The following RWDD3 variants were observed in gnomAD, a reference collection of about 807,000 sequenced individuals.
RWDD3 encodes RWD domain containing 3, also known as RWD domain-containing protein 3.
Under a neutral mutation model 26.5 loss-of-function variants are expected in RWDD3, and 30 were observed. That is an observed-to-expected ratio of 1.13 (90% CI 0.85 to 1.54). The LOEUF is 1.54. RWDD3 is among the 40% of genes most tolerant of loss of function. The pLI, the probability that RWDD3 is intolerant of heterozygous loss-of-function variation, is 0.00. For synonymous variants in RWDD3, 113 were observed against 114.5 expected (o/e 0.99, Z 0.09); for missense variants, 296 against 309.1 (o/e 0.96, Z 0.32).
chr1:95,242,176 C>T (rs1399507192), intron 1 of RWDD3, among the ~76,000 whole-genome samples: 1 of 152,310 alleles, frequency 6.6e-6, no homozygotes, highest in Non-Finnish European at 1.5e-5. Flanking sequence ...GAATTATCTA[C>T]CAACACAGAC....
chr1:95,246,080 T>G (rs2101126680), intron 2 of RWDD3: 1 of 152,820 alleles, frequency 6.5e-6, no homozygotes, highest in Non-Finnish European at 1.5e-5. Flanking sequence ...GTGTGCCTGG[T>G]AATGTCATTT....
chr1:95,243,861 G>A (rs922220514), intron 1 of RWDD3, among the ~76,000 whole-genome samples: 2 of 152,122 alleles, frequency 1.3e-5, no homozygotes, highest in Non-Finnish European at 2.9e-5. Context: ...ATCTTTGAAA[G>A]CTCATATGAG....
chr1:95,238,523 A>G (rs939499793), intron 1 of RWDD3, among the ~76,000 whole-genome samples: 2 of 151,600 alleles, frequency 1.3e-5, no homozygotes, highest in Non-Finnish European at 1.5e-5. Flanking sequence ...TGGGAGCAAG[A>G]GGAGACAGTC....
intron 1 of RWDD3, among the ~76,000 whole-genome samples, chr1:95,240,829 T>A (rs1010309012): frequency 6.6e-6 from 1 of 151,420 alleles, no homozygotes; most frequent in African/African-American, 2.4e-5. Context: ...AGTTGAATGC[T>A]AAGTATGAAA....
At chr1:95,237,122 A>G (rs192379330) in intron 1 of RWDD3, among the ~76,000 whole-genome samples, 42 of 151,894 alleles carry the variant, frequency 2.8e-4, no homozygotes, top group African/African-American at 1.0e-3. Flanking sequence ...GGGATGTTTG[A>G]TGTTCACAAG....
chr1:95,240,656 A>T (rs1027155091), intron 1 of RWDD3, among the ~76,000 whole-genome samples: 5 of 152,092 alleles, frequency 3.3e-5, no homozygotes, highest in Non-Finnish European at 7.4e-5. Context: ...TAGGCGTTGC[A>T]TGGAGGAATT....
intron 1 of RWDD3, among the ~76,000 whole-genome samples, chr1:95,235,676 A>C (rs1017984303): frequency 6.6e-6 from 1 of 150,788 alleles, no homozygotes; most frequent in Non-Finnish European, 1.5e-5. Context: ...ACTTTTTTTT[A>C]AACAAGCTCT....
At chr1:95,236,570 T>C (rs1680369843) in intron 1 of RWDD3, among the ~76,000 whole-genome samples, 1 of 152,216 alleles carries the variant, frequency 6.6e-6, no homozygotes, top group East Asian at 1.9e-4. Context: ...CCAGCCTGAC[T>C]TGTATCTTTT....
chr1:95,243,457 G>A (rs572069350), intron 1 of RWDD3: 2 of 152,346 alleles, frequency 1.3e-5, no homozygotes, highest in African/African-American at 4.8e-5. Flanking sequence ...TCAGCCTGAC[G>A]TTTTATCATC....
chr1:95,242,786 G>A (rs1413905981), intron 1 of RWDD3, among the ~76,000 whole-genome samples: 1 of 152,010 alleles, frequency 6.6e-6, no homozygotes, highest in African/African-American at 2.4e-5. Context: ...GGGCATGGTG[G>A]CATATGACTG....
intron 1 of RWDD3, among the ~76,000 whole-genome samples, chr1:95,239,252 A>G (rs1384975703): frequency 6.6e-6 from 1 of 152,188 alleles, no homozygotes; most frequent in Non-Finnish European, 1.5e-5. Flanking sequence ...TTTTCTGCTA[A>G]TCACTGTTTC....
chr1:95,245,494 A>G (rs913571829), intron 2 of RWDD3, among the ~76,000 whole-genome samples: 4 of 152,226 alleles, frequency 2.6e-5, no homozygotes, highest in Non-Finnish European at 5.9e-5. Flanking sequence ...CAGTGAATTT[A>G]TTTAAGACAA....
At position 95,234,317 on chromosome 1, in the gene RWDD3, T is replaced by TA. The variant is rs1680184503; in HGVS notation, c.85+2_85+3insA. 1 of 1,589,332 alleles carries TA rather than the reference T, an allele frequency of 6.3e-7. No individual in the cohort carries two copies. Among genetic ancestry groups the TA allele is most frequent in the Non-Finnish European group, 8.6e-7 (1 of 1,167,988 alleles). On this transcript the variant is annotated splice_region_variant and intron_variant, in intron 1 of 3. Coordinates refer to ENST00000370202, the MANE Select transcript of RWDD3 (RefSeq NM_015485.5). Reference sequence around the variant, plus strand: ...AGTGGGAGGTGCTGAGCCGCTCAGGTGACTACCCGCGCGCGGGAGGGACAG... The same window carrying TA: ...AGTGGGAGGTGCTGAGCCGCTCAGGTAGACTACCCGCGCGCGGGAGGGACAG...
intron 1 of RWDD3, among the ~76,000 whole-genome samples, chr1:95,241,958 CCA>C (rs138931011): frequency 0.019 from 2,952 of 152,222 alleles, 39 homozygotes; most frequent in South Asian, 0.049. Flanking sequence ...GTAAACTCTC[CCA>C]CATTCCCTTG....
chr1:95,242,132 C>G (rs1214349203), intron 1 of RWDD3, among the ~76,000 whole-genome samples: 1 of 152,198 alleles, frequency 6.6e-6, no homozygotes, highest in Admixed American at 6.5e-5. Flanking sequence ...TTTTTCCCAC[C>G]ACCCTGACTG....
At chr1:95,242,092 A>G (rs1462454588) in intron 1 of RWDD3, among the ~76,000 whole-genome samples, 1 of 152,164 alleles carries the variant, frequency 6.6e-6, no homozygotes, top group Non-Finnish European at 1.5e-5. Context: ...ACTATTTCCT[A>G]TAACTATCTT....
chr1:95,237,369 A>G (rs1680405044), intron 1 of RWDD3: 1 of 152,292 alleles, frequency 6.6e-6, no homozygotes, highest in South Asian at 2.1e-4. Context: ...TGCCACTGGA[A>G]TCAGGAGAAT....
chr1:95,240,134 A>G (rs961144407), intron 1 of RWDD3, among the ~76,000 whole-genome samples: 1 of 152,078 alleles, frequency 6.6e-6, no homozygotes. Context: ...CGTTAACTTA[A>G]TCATGTCTGC....
intron 1 of RWDD3, among the ~76,000 whole-genome samples, chr1:95,238,476 A>G (rs1264541242): frequency 6.6e-6 from 1 of 151,882 alleles, no homozygotes; most frequent in Non-Finnish European, 1.5e-5. Flanking sequence ...ACTGAAGCAT[A>G]AAACAAGCAC....
Sources: gnomAD v4.1 joint callset for allele counts (sites outside exome capture counted in the v4.1 genomes callset) on GRCh38, gnomAD v4.1.1 for gene constraint, MANE v1.5 for transcripts, NCBI Gene and HGNC (gene_info 2026-07-23, HGNC 2026-07-21) for gene names.